CFAP221: variants seen among roughly 807,000 people sequenced by gnomAD.
CFAP221 encodes cilia- and flagella-associated protein 221.
Under a neutral mutation model 113.1 loss-of-function variants are expected in CFAP221, and 97 were observed. The ratio of observed to expected loss-of-function variants is 0.86; its 90% CI spans 0.73 to 1.02. CFAP221 has a LOEUF of 1.02. Among genes scored for constraint, CFAP221 ranks in the 50% least tolerant of loss-of-function variants. The pLI is 0.00. For missense variants in CFAP221, 1,025 were observed against 1,013.4 expected (o/e 1.01, Z -0.16); for synonymous variants, 331 against 354.4 (o/e 0.93, Z 0.74).
At chr2:119,645,675 A>G (rs922147818) in intron 21 of CFAP221, among the ~76,000 whole-genome samples, 5 of 152,046 alleles carry the variant, frequency 3.3e-5, no homozygotes, top group African/African-American at 1.2e-4. Flanking sequence ...TCACAAAGAC[A>G]TATGTGCACA....
chr2:119,638,566 G>T (rs138499698), intron 20 of CFAP221, 149 bp downstream of exon 20: 30 of 1,034,084 alleles, frequency 2.9e-5, no homozygotes, highest in Non-Finnish European at 3.4e-5. Flanking sequence ...CATACCGCCA[G>T]CCCTAAAGGG....
At chr2:119,560,125 G>A in intron 5 of CFAP221, 99 bp downstream of exon 5, 1 of 972,986 alleles carries the variant, frequency 1.0e-6, no homozygotes, top group Non-Finnish European at 1.5e-6. Flanking sequence ...AATGACCACT[G>A]AGAGCTTTCT....
intron 6 of CFAP221, among the ~76,000 whole-genome samples, chr2:119,575,355 G>A (rs887858998): frequency 7.2e-5 from 11 of 152,074 alleles, no homozygotes; most frequent in African/African-American, 2.4e-4. Context: ...ACCTCCAGTC[G>A]GCCCTCCTGA....
At chr2:119,624,379 G>A (rs993293017) in intron 14 of CFAP221, among the ~76,000 whole-genome samples, 11 of 152,312 alleles carry the variant, frequency 7.2e-5, no homozygotes, top group African/African-American at 2.6e-4. Context: ...AACAGATGCT[G>A]GAGAGGATGT....
At chr2:119,582,983 A>G (rs1397606087) in intron 6 of CFAP221, among the ~76,000 whole-genome samples, 2 of 152,188 alleles carry the variant, frequency 1.3e-5, no homozygotes, top group Non-Finnish European at 2.9e-5. Context: ...ATGAAAACCT[A>G]TTAAACTCAC....
chr2:119,585,790 G>A (rs1478539183), intron 6 of CFAP221, among the ~76,000 whole-genome samples: 5 of 152,192 alleles, frequency 3.3e-5, no homozygotes, highest in Admixed American at 2.0e-4. Flanking sequence ...TGGTCCATGC[G>A]ACACTCTGGG....
At chr2:119,658,636 C>T (rs959534173), downstream of CFAP221, among the ~76,000 whole-genome samples, 2 of 151,982 alleles carry the variant, frequency 1.3e-5, no homozygotes, top group African/African-American at 4.8e-5. Context: ...CACACACACA[C>T]ACACACACAT....
intron 19 of CFAP221, among the ~76,000 whole-genome samples, chr2:119,633,133 T>C (rs1686893561): frequency 1.3e-5 from 2 of 152,042 alleles, no homozygotes; most frequent in Non-Finnish European, 2.9e-5. Context: ...CAACAAATAA[T>C]GTTAGAACAT....
intron 6 of CFAP221, among the ~76,000 whole-genome samples, chr2:119,574,451 T>G (rs1055333164): frequency 6.6e-6 from 1 of 152,168 alleles, no homozygotes; most frequent in African/African-American, 2.4e-5. Flanking sequence ...CCACGAATAT[T>G]TAAGAATATA....
At chr2:119,576,024 C>T (rs767514349) in intron 6 of CFAP221, among the ~76,000 whole-genome samples, 1 of 152,006 alleles carries the variant, frequency 6.6e-6, no homozygotes, top group Non-Finnish European at 1.5e-5. Context: ...AGCAGCTTTA[C>T]CAATAGGTGG....
At chr2:119,569,528 T>A (rs938054393) in intron 6 of CFAP221, among the ~76,000 whole-genome samples, 3 of 152,186 alleles carry the variant, frequency 2.0e-5, no homozygotes, top group Non-Finnish European at 4.4e-5. Context: ...CTCAGTGGTT[T>A]GATGTCTGAC....
intron 8 of CFAP221, chr2:119,602,688 A>C (rs1453210155): frequency 1.0e-6 from 1 of 985,304 alleles, no homozygotes; most frequent in Non-Finnish European, 1.2e-6. Flanking sequence ...CATCATTGAA[A>C]TCACTCGGGC....
chr2:119,623,634 T>G (rs1052131108), intron 14 of CFAP221, among the ~76,000 whole-genome samples: 2 of 152,194 alleles, frequency 1.3e-5, no homozygotes, highest in Non-Finnish European at 2.9e-5. Flanking sequence ...AAGGCTACAG[T>G]AACCAAAACA....
At chr2:119,630,701 A>C (rs201915452) in intron 18 of CFAP221, 24 bp downstream of exon 18, 2 of 1,594,156 alleles carry the variant, frequency 1.3e-6, no homozygotes, top group Non-Finnish European at 1.7e-6. Flanking sequence ...ATCTTCCAGA[A>C]TCTCTCTCAT....
intron 7 of CFAP221, among the ~76,000 whole-genome samples, chr2:119,592,835 A>G (rs1311560862): frequency 6.6e-6 from 1 of 152,184 alleles, no homozygotes; most frequent in Non-Finnish European, 1.5e-5. Flanking sequence ...TTTGCTAGGA[A>G]TTTGGAGGCT....
rs1056559397 is a variant in CFAP221, at chr2:119,605,241, A to C, written c.1085A>C (p.Gln362Pro). ...CAGATGAAGGAGGCACTCTTTGAAC[A>C]GAAAGTCAGACAGGACATTCACGAA... ...TRQMKEALFE[Q>P]KVRQDIHEEM... The change falls in exon 11 of 24, where the codon CAG (glutamine) becomes CCG (proline). Residue 362 changes from glutamine (Q) to proline (P), a missense_variant. Coordinates refer to ENST00000413369, the MANE Select transcript of CFAP221 (RefSeq NM_001271049.2). The C allele has an allele frequency of 6.2e-7, 1 of 1,614,254 alleles. No homozygotes were observed. Among genetic ancestry groups the C allele is most frequent in the Non-Finnish European group, 8.5e-7 (1 of 1,180,040 alleles).
At position 119,652,003 on chromosome 2, in the gene CFAP221, T is replaced by C. The variant is rs752144488; in HGVS notation, c.2348T>C (p.Met783Thr). Residue 783 changes from methionine to threonine, a missense_variant, in exon 23 of 24, where the codon ATG becomes ACG. Met to Thr is a moderately conservative substitution (Grantham distance 81, BLOSUM62 -1). Coordinates refer to ENST00000413369, the MANE Select transcript of CFAP221 (RefSeq NM_001271049.2). ...CTCTGTGAGCAGAATGTAGAAGTTA[T>C]GTTGACTCCAGAAATGATCAAAGTG... ...RELCEQNVEVMLTPEMIKVEF... is the reference protein window; with the variant it reads ...RELCEQNVEVTLTPEMIKVEF... 5 of 1,613,382 alleles carry C rather than the reference T, an allele frequency of 3.1e-6. No homozygotes were observed. Among genetic ancestry groups the C allele is most frequent in the Non-Finnish European group, 4.2e-6 (5 of 1,179,672 alleles).
chr2:119,638,734 G>T (rs917340030), intron 20 of CFAP221, among the ~76,000 whole-genome samples: 4 of 152,116 alleles, frequency 2.6e-5, no homozygotes, highest in Non-Finnish European at 4.4e-5. Context: ...ACAACCGTTG[G>T]TCTGACCTCC....
chr2:119,547,713 A>G (rs1680150606), intron 2 of CFAP221, among the ~76,000 whole-genome samples: 1 of 152,316 alleles, frequency 6.6e-6, no homozygotes, highest in East Asian at 1.9e-4. Flanking sequence ...GTAGCTGTTC[A>G]GTTTGGCCCA....
Sources: gnomAD v4.1 joint callset for allele counts (sites outside exome capture counted in the v4.1 genomes callset) on GRCh38, gnomAD v4.1.1 for gene constraint, MANE v1.5 for transcripts, NCBI Gene and HGNC (gene_info 2026-07-23, HGNC 2026-07-21) for gene names.